The following MCTP1 variants were observed in gnomAD, a reference collection of about 807,000 sequenced individuals.
MCTP1 encodes multiple C2 and transmembrane domain containing 1.
MCTP1 carries 69 observed loss-of-function variants against 120.6 expected under a neutral mutation model. The ratio of observed to expected loss-of-function variants is 0.57; its 90% CI spans 0.47 to 0.70. The LOEUF (loss-of-function observed/expected upper bound fraction) is 0.70. Among genes scored for constraint, MCTP1 ranks in the 30% least tolerant of loss-of-function variants. MCTP1 has a pLI of 0.00. For missense variants in MCTP1, 1,203 were observed against 1,248.8 expected (o/e 0.96, Z 0.55); for synonymous variants, 529 against 493.1 (o/e 1.07, Z -0.96).
At chr5:94,876,973 T>G (rs1381509630) in intron 12 of MCTP1, among the ~76,000 whole-genome samples, 1 of 152,026 alleles carries the variant, frequency 6.6e-6, no homozygotes, top group Non-Finnish European at 1.5e-5. Flanking sequence ...TTAGAGGACA[T>G]GATAGACATG....
chr5:94,867,326 G>C, intron 17 of MCTP1: 1 of 1,533,134 alleles, frequency 6.5e-7, no homozygotes, highest in Non-Finnish European at 8.7e-7. Context: ...AACACAAAGG[G>C]ACGTAGACAC....
chr5:95,031,014 T>C (rs1039226961), intron 1 of MCTP1, among the ~76,000 whole-genome samples: 6 of 151,198 alleles, frequency 4.0e-5, no homozygotes, highest in Non-Finnish European at 7.4e-5. Context: ...GCTTTAACAA[T>C]AGACTAACCA....
chr5:95,283,674 ACT>A (rs1165438632), intron 1 of MCTP1, among the ~76,000 whole-genome samples, 180 bp downstream of exon 1: 4 of 152,074 alleles, frequency 2.6e-5, no homozygotes, highest in Non-Finnish European at 5.9e-5. Context: ...GCAAGTCAGA[ACT>A]CTTTCATCTT....
At chr5:95,245,918 C>T (rs549933297) in intron 1 of MCTP1, among the ~76,000 whole-genome samples, 66 of 152,194 alleles carry the variant, frequency 4.3e-4, no homozygotes, top group Admixed American at 1.6e-3. Flanking sequence ...AAATGTTAAG[C>T]GCAGCCAGAG....
chr5:94,864,962 T>C (rs1796523557), intron 17 of MCTP1, among the ~76,000 whole-genome samples: 2 of 151,958 alleles, frequency 1.3e-5, no homozygotes, highest in African/African-American at 4.8e-5. Context: ...GACATTTCCA[T>C]GTCTACAATA....
At chr5:94,873,957 A>G (rs956678395) in intron 12 of MCTP1, among the ~76,000 whole-genome samples, 3 of 151,986 alleles carry the variant, frequency 2.0e-5, no homozygotes, top group East Asian at 1.9e-4. Flanking sequence ...GCCATACTCA[A>G]ATCTCATCCT....
At chr5:95,129,600 T>C (rs534608877) in intron 1 of MCTP1, among the ~76,000 whole-genome samples, 1 of 152,254 alleles carries the variant, frequency 6.6e-6, no homozygotes, top group East Asian at 1.9e-4. Flanking sequence ...AGAAGATCAA[T>C]GTAGACAGAT....
chr5:95,073,214 C>T (rs1325781239), intron 1 of MCTP1, among the ~76,000 whole-genome samples: 3 of 152,076 alleles, frequency 2.0e-5, no homozygotes, highest in Non-Finnish European at 4.4e-5. Context: ...TTTTGTCAGT[C>T]TTGGGCATAG....
chr5:95,125,389 A>G (rs997060581), intron 1 of MCTP1, among the ~76,000 whole-genome samples: 1 of 152,112 alleles, frequency 6.6e-6, no homozygotes, highest in Non-Finnish European at 1.5e-5. Flanking sequence ...GCTGTTAACT[A>G]ACTGACCTTA....
intron 18 of MCTP1, among the ~76,000 whole-genome samples, chr5:94,783,958 C>T (rs1247909543): frequency 1.3e-5 from 2 of 151,986 alleles, no homozygotes; most frequent in Non-Finnish European, 2.9e-5. Flanking sequence ...GGATGTTTTG[C>T]TATGTTCAAA....
chr5:94,936,974 G>A lies in MCTP1; in HGVS notation c.1173+3110C>T, dbSNP rs183216403. On this transcript the variant is annotated intron_variant, in intron 5 of 22. Transcript: ENST00000515393. ...CCTCAGCTATTGATTGTACCCACGA[G>A]GATGAGCCAAGATAGCCACACTGGT... Among the ~76,000 whole-genome samples the A allele has an allele frequency of 2.5e-3, 374 of 152,096 alleles. 2 individuals are homozygous for A. Among genetic ancestry groups the A allele is most frequent in the Non-Finnish European group, 4.4e-3 (301 of 67,960 alleles).
intron 19 of MCTP1, among the ~76,000 whole-genome samples, chr5:94,736,468 G>A (rs1052647451): frequency 6.6e-6 from 1 of 152,152 alleles, no homozygotes; most frequent in Non-Finnish European, 1.5e-5. Flanking sequence ...GGGTGACAGA[G>A]CAAGACCCTG....
chr5:95,176,390 T>C (rs1297790313), intron 1 of MCTP1, among the ~76,000 whole-genome samples: 4 of 151,958 alleles, frequency 2.6e-5, no homozygotes, highest in Non-Finnish European at 5.9e-5. Flanking sequence ...CCAGGTGTGA[T>C]GGCACACACC....
At position 95,212,488 on chromosome 5, in the gene MCTP1, A is replaced by C. The variant is rs190087712; in HGVS notation, c.720+71368T>G. 3.4e-3 allele frequency among the ~76,000 whole-genome samples: 510 copies of C among 152,218 alleles called. 3 individuals are homozygous for C. The highest frequency in any genetic ancestry group is 0.012 in the African/African-American group (482 of 41,506). On this transcript the variant is annotated intron_variant, in intron 1 of 22. Coordinates refer to ENST00000515393, the MANE Select transcript of MCTP1 (RefSeq NM_024717.7). Reference sequence around the variant, plus strand: ...AAACTATTCCAATCAATAGAAAAAGAGGGAATCCTCCCTAACTCATTTTAT... The same window carrying C: ...AAACTATTCCAATCAATAGAAAAAGCGGGAATCCTCCCTAACTCATTTTAT...
intron 1 of MCTP1, among the ~76,000 whole-genome samples, chr5:95,082,866 G>A (rs913736729): frequency 5.3e-5 from 8 of 152,148 alleles, no homozygotes; most frequent in African/African-American, 1.9e-4. Context: ...TCTTCAGGTG[G>A]TGGTTCAAAT....
At chr5:94,909,108 C>A in intron 10 of MCTP1, 143 bp downstream of exon 10, 1 of 950,504 alleles carries the variant, frequency 1.1e-6, no homozygotes, top group Non-Finnish European at 1.5e-6. Context: ...ATCTATTTTT[C>A]AGTTCATCCA....
chr5:94,985,303 T>C (rs1244779066), intron 2 of MCTP1, among the ~76,000 whole-genome samples: 30 of 152,238 alleles, frequency 2.0e-4, no homozygotes, highest in Non-Finnish European at 5.9e-5. Flanking sequence ...TGTTAATAAT[T>C]GAATACAAAT....
At chr5:94,847,254 T>C (rs1051054699) in intron 17 of MCTP1, among the ~76,000 whole-genome samples, 1 of 152,164 alleles carries the variant, frequency 6.6e-6, no homozygotes, top group Non-Finnish European at 1.5e-5. Context: ...TTCCATGCGC[T>C]CTGCCAAGCA....
chr5:94,738,803 A>G (rs1047472162), intron 19 of MCTP1, among the ~76,000 whole-genome samples: 6 of 152,210 alleles, frequency 3.9e-5, no homozygotes, highest in South Asian at 2.1e-4. Context: ...GTTTTAAAAT[A>G]TCCCCTTCTC....
Sources: gnomAD v4.1 joint callset for allele counts (sites outside exome capture counted in the v4.1 genomes callset) on GRCh38, gnomAD v4.1.1 for gene constraint, MANE v1.5 for transcripts, NCBI Gene and HGNC (gene_info 2026-07-23, HGNC 2026-07-21) for gene names.